Variants in CPSF1 observed in about 807,000 individuals in gnomAD.
CPSF1 encodes the protein cleavage and polyadenylation specificity factor subunit 1.
Under a neutral mutation model 175.8 loss-of-function variants are expected in CPSF1, and 106 were observed. That is an observed-to-expected ratio of 0.60 (90% CI 0.52 to 0.71). The LOEUF (loss-of-function observed/expected upper bound fraction) is 0.71, where lower values mean the gene tolerates loss of function less well. CPSF1 is among the 30% of genes least tolerant of loss of function. The pLI is 0.00. For synonymous variants in CPSF1, 1,024 were observed against 858.3 expected, an observed-to-expected ratio of 1.19 and a Z score of -3.37; for missense variants, 1,734 against 2,022.9, an observed-to-expected ratio of 0.86 and a Z score of 2.74.
intron 2 of CPSF1, among the ~76,000 whole-genome samples, chr8:144,402,487 T>C (rs1487227762): frequency 6.6e-6 from 1 of 152,104 alleles, no homozygotes; most frequent in Non-Finnish European, 1.5e-5. Flanking sequence ...GTATTTTTAG[T>C]AGAGACAGGG....
In CPSF1 at chr8:144,399,212, A is replaced by C; in HGVS notation, c.1393-10T>G. 6.2e-7 allele frequency: 1 copy of C among 1,611,104 alleles called. No individual in the cohort carries two copies. ...GGATGCTGTCACACACCTGCGGCAC[A>C]GCAAGAGTCAGGGGCCCGCTGGGGG... is the stretch of plus-strand genomic sequence containing the variant. On this transcript the variant is annotated splice_polypyrimidine_tract_variant and intron_variant, in intron 14 of 37. Transcript: ENST00000616140. The surrounding 1 kb of genome is among the most constrained non-coding windows in gnomAD (Gnocchi z 6.4).
rs1472375271 is a variant in CPSF1 at position 144,393,253 on chromosome 8, T to C, written c.*65A>G. On this transcript the variant is annotated 3_prime_UTR_variant, in exon 38 of 38. Coordinates refer to ENST00000616140, the MANE Select transcript of CPSF1 (RefSeq NM_013291.3). Reference sequence around the variant, plus strand: ...CTCTCAAGCAAAAAATGTTTTTCCTTGTGTTTTGTACAAAAAGGGGGTGGG... The same window carrying C: ...CTCTCAAGCAAAAAATGTTTTTCCTCGTGTTTTGTACAAAAAGGGGGTGGG... The C allele has an allele frequency of 2.1e-6, 3 of 1,428,528 alleles. No homozygotes were observed. Among genetic ancestry groups the C allele is most frequent in the African/African-American group, 2.9e-5 (2 of 69,412 alleles). The allele number at this position is 1,428,528 out of a possible 1,614,324, so 88.5% of individuals were successfully genotyped here.
intron 2 of CPSF1, among the ~76,000 whole-genome samples, chr8:144,403,071 T>G (rs1554867856): frequency 1.3e-5 from 2 of 150,976 alleles, no homozygotes; most frequent in African/African-American, 4.9e-5. Flanking sequence ...TGATAAAAAC[T>G]CCTAGTAAAG....
Position 144,401,492 on chromosome 8 carries a change from C to T in CPSF1, c.244G>A (p.Ala82Thr), listed in dbSNP as rs1821205900. 6.2e-7 allele frequency: 1 copy of T among 1,614,012 alleles called. No homozygotes were observed. Among genetic ancestry groups the T allele is most frequent in the Non-Finnish European group, 8.5e-7 (1 of 1,179,996 alleles). Residue 82 changes from alanine to threonine, a missense_variant, in exon 4 of 38, where the codon GCC (alanine) becomes ACC (threonine). This residue lies in a region of CPSF1 where 126 missense variants were observed against 117.9 expected (regional missense o/e 1.07). Transcript: ENST00000616140. ...FSFFGNVMSM[A>T]SVQLAGAKRD... ...TTGGCTCCTGCCAGCTGCACGCTGGCCATGGACATGACGTTGCCAAAGAAG... is the reference window on the plus strand; with the variant it reads ...TTGGCTCCTGCCAGCTGCACGCTGGTCATGGACATGACGTTGCCAAAGAAG...
chr8:144,396,260 G>A (rs958689975), intron 26 of CPSF1, 88 bp downstream of exon 26: 9 of 1,352,426 alleles, frequency 6.7e-6, no homozygotes, highest in African/African-American at 1.5e-5. Context: ...TCAGGGTGGA[G>A]CCAATGGTCC....
chr8:144,400,435 G>T lies in CPSF1; in HGVS notation c.745C>A (p.Gln249Lys). 6.2e-7 allele frequency: 1 copy of T among 1,613,602 alleles called. No homozygotes were observed. Among genetic ancestry groups the T allele is most frequent in the Non-Finnish European group, 8.5e-7 (1 of 1,179,962 alleles). ...SIVAISLNIT[Q>K]KVHPVIWSLT... ...GACCAGATGACGGGGTGCACCTTCTGCGTGATGTTCAGTGAGATGGCCACA... is the reference window on the plus strand; with the variant it reads ...GACCAGATGACGGGGTGCACCTTCTTCGTGATGTTCAGTGAGATGGCCACA... Residue 249 changes from glutamine to lysine, a missense_variant, in exon 8 of 38, where the codon CAG becomes AAG. Coordinates refer to ENST00000616140, the MANE Select transcript of CPSF1 (RefSeq NM_013291.3).
chr8:144,396,897 C>T lies in CPSF1; in HGVS notation c.2625G>A (p.Glu875=). The change falls in exon 24 of 38, where the codon GAG becomes GAA. Residue 875 remains glutamate, a synonymous_variant. Coordinates refer to ENST00000616140, the MANE Select transcript of CPSF1 (RefSeq NM_013291.3). The part of the protein sequence containing the change: ...VHVDQELLIY[E]AFPHDSQLGQ... The stretch of plus-strand genomic sequence containing the variant: ...CGAGCTGAGAGTCGTGGGGGAAGGC[C>T]TCGTAGATAAGCAGCTCTTGGTCCA... The T allele has an allele frequency of 6.2e-7, 1 of 1,613,754 alleles. No individual in the cohort carries two copies. Among genetic ancestry groups the T allele is most frequent in the Non-Finnish European group, 8.5e-7 (1 of 1,179,902 alleles).
chr8:144,399,380 A>G lies in CPSF1; in HGVS notation c.1295-7T>C. The G allele has an allele frequency of 6.2e-7, 1 of 1,612,840 alleles. No homozygotes were observed. The highest frequency in any genetic ancestry group is 8.5e-7 in the Non-Finnish European group (1 of 1,179,958). ...GGCACCGACTTACCCGCAGCTGCAC[A>G]CAGAGAGCCCACTTGAGCGCAGCCC... On this transcript the variant is annotated splice_polypyrimidine_tract_variant and splice_region_variant and intron_variant, in intron 13 of 37. Coordinates refer to ENST00000616140, the MANE Select transcript of CPSF1 (RefSeq NM_013291.3). This position sits in a 1 kb window ranked among gnomAD's most constrained non-coding sequence, Gnocchi z 6.4.
At chr8:144,408,643 G>A (rs188372136) in intron 2 of CPSF1, among the ~76,000 whole-genome samples, 5 of 152,294 alleles carry the variant, frequency 3.3e-5, no homozygotes, top group African/African-American at 7.2e-5. Context: ...TTGCTGCAGG[G>A]GCAGGTGTGT....
In CPSF1 at chr8:144,399,027, G is replaced by T. The variant is rs2116857310; in HGVS notation, c.1479C>A (p.Ser493Arg). 6.2e-7 allele frequency: 1 copy of T among 1,600,832 alleles called. No homozygotes were observed. Among genetic ancestry groups the T allele is most frequent in the South Asian group, 1.1e-5 (1 of 89,816 alleles). ...CCACAATCTCCAGGTCCGGCTCGGG[G>T]CTGTTCTGAAACTGCACAGGACTCG... The part of the protein sequence containing the change: ...PAFLSEEFQN[S>R]PEPDLEIVVC... Residue 493 changes from serine to arginine, a missense_variant, in exon 16 of 38, where the codon AGC becomes AGA. By Grantham distance (110) the Ser-to-Arg change is moderately radical. Around this residue, in one of 10 missense-constraint regions of CPSF1, gnomAD observed 280 missense variants for 349.2 expected, o/e 0.80. Transcript: ENST00000616140. The surrounding 1 kb of genome is among the most constrained non-coding windows in gnomAD (Gnocchi z 6.4).
intron 21 of CPSF1, 22 bp from the exon 22 acceptor site, chr8:144,397,683 TG>T: frequency 6.4e-7 from 1 of 1,559,066 alleles, no homozygotes; most frequent in Non-Finnish European, 8.7e-7. Context: ...CAGAAGGTCA[TG>T]GGCGGCCTGC....
intron 26 of CPSF1, 111 bp downstream of exon 26, chr8:144,396,237 T>G (rs1280712445): frequency 8.6e-7 from 1 of 1,159,212 alleles, no homozygotes; most frequent in African/African-American, 1.6e-5. Flanking sequence ...CTCTGGACAC[T>G]CCTTCCTGGT....
Position 144,398,589 on chromosome 8 carries a change from G to T in CPSF1, c.1688C>A (p.Pro563His). 2 of 1,613,944 alleles carry T rather than the reference G, an allele frequency of 1.2e-6. No individual in the cohort carries two copies. Among genetic ancestry groups the T allele is most frequent in the Non-Finnish European group, 1.7e-6 (2 of 1,179,982 alleles). ...TCTGCGGCCGTCGTCGTCTGCTTCA[G>T]GGGTGGTGCTGGGTTCCTGCTCTGT... ...EGTEQEPSTTPEADDDGRRHG... is the reference protein window; with the variant it reads ...EGTEQEPSTTHEADDDGRRHG... The change falls in exon 18 of 38, where the codon CCT becomes CAT. Residue 563 changes from proline (P) to histidine (H), a missense_variant. By Grantham distance (77) the Pro-to-His change is moderately conservative. This residue lies in a region of CPSF1 where 280 missense variants were observed against 349.2 expected (regional missense o/e 0.80). Coordinates refer to ENST00000616140, the MANE Select transcript of CPSF1 (RefSeq NM_013291.3).
chr8:144,406,109 G>A (rs1396134727), intron 2 of CPSF1, among the ~76,000 whole-genome samples: 1 of 152,178 alleles, frequency 6.6e-6, no homozygotes, highest in Admixed American at 6.5e-5. Flanking sequence ...GATGGCTTGA[G>A]CACAGGAGTT....
In CPSF1 at chr8:144,399,442, C is replaced by G. The variant is rs782785708; in HGVS notation, c.1294+10G>C. 2 of 1,612,712 alleles carry G rather than the reference C, an allele frequency of 1.2e-6. No individual in the cohort carries two copies. The highest frequency in any genetic ancestry group is 1.7e-6 in the Non-Finnish European group (2 of 1,179,932). On this transcript the variant is annotated intron_variant, in intron 13 of 37. Coordinates refer to ENST00000616140, the MANE Select transcript of CPSF1 (RefSeq NM_013291.3). The surrounding 1 kb of genome is among the most constrained non-coding windows in gnomAD (Gnocchi z 6.4). ...GCCCCGCTCCTGACCAGCCCTGGAC[C>G]GGCCCTCACCTGACCAGCCGGCCGT...
chr8:144,394,937 T>C lies in CPSF1; in HGVS notation c.3359A>G (p.Tyr1120Cys), dbSNP rs781880984. ...SEETVSGLKG[Y>C]VAAGTCLMQG... ...CATGAGGCAGGTCCCGGCGGCCACG[T>C]AGCCTTTGAGGCCCGACACGGTCTC... is the stretch of plus-strand genomic sequence containing the variant. Residue 1120 changes from tyrosine (Y) to cysteine (C), a missense_variant, in exon 30 of 38, where the codon TAC (tyrosine) becomes TGC (cysteine). Coordinates refer to ENST00000616140, the MANE Select transcript of CPSF1 (RefSeq NM_013291.3). 14 of 1,612,918 alleles carry C rather than the reference T, an allele frequency of 8.7e-6. No individual in the cohort carries two copies. Among genetic ancestry groups the C allele is most frequent in the East Asian group, 4.5e-5 (2 of 44,888 alleles).
At chr8:144,405,132 A>G (rs1821425392) in intron 2 of CPSF1, among the ~76,000 whole-genome samples, 1 of 152,220 alleles carries the variant, frequency 6.6e-6, no homozygotes, top group African/African-American at 2.4e-5. Flanking sequence ...AAGTCCCTAC[A>G]AGATACTTTT....
At position 144,393,304 on chromosome 8, in the gene CPSF1, C is replaced by T. The variant is rs782660919; in HGVS notation, c.*14G>A. The T allele has an allele frequency of 2.7e-6, 4 of 1,487,294 alleles. No individual in the cohort carries two copies. In the African/African-American group the frequency reaches 4.2e-5, roughly 16 times the overall value. The allele number at this position is 1,487,294 out of a possible 1,614,324, so 92.1% of individuals were successfully genotyped here. A position where few individuals can be genotyped will look rare whatever the true frequency, so the allele number is the denominator to read the frequency against. On this transcript the variant is annotated 3_prime_UTR_variant, in exon 38 of 38. Transcript: ENST00000616140. ...AGGTAGTTCCGTGTGCTGGTGGTGACGGCATCCACGGGGCTAGAAGTGGGC... is the reference window on the plus strand; with the variant it reads ...AGGTAGTTCCGTGTGCTGGTGGTGATGGCATCCACGGGGCTAGAAGTGGGC...
At position 144,397,768 on chromosome 8, in the gene CPSF1, C is replaced by T. The variant is rs781873840; in HGVS notation, c.2185G>A (p.Ala729Thr). 2 of 1,609,006 alleles carry T rather than the reference C, an allele frequency of 1.2e-6. No individual in the cohort carries two copies. The highest frequency in any genetic ancestry group is 2.2e-5 in the East Asian group (1 of 44,814). ...CTAGTCTCTGAGCCCAGGCCCTCGG[C>T]CTCCGGGCCACTGCGGCCCCCGAGC... ...DELGGRSGPE[A>T]EGLGSETSPT... Residue 729 changes from alanine to threonine, a missense_variant, in exon 21 of 38, where the codon GCC becomes ACC. Physicochemically the swap from Ala to Thr is moderately conservative, Grantham distance 58. Around this residue, in one of 10 missense-constraint regions of CPSF1, gnomAD observed 585 missense variants for 584.7 expected, o/e 1.00. Transcript: ENST00000616140.
Sources: gnomAD v4.1 joint callset for allele counts (sites outside exome capture counted in the v4.1 genomes callset) on GRCh38, gnomAD v4.1.1 for gene constraint, gnomAD v4.1.1 regional missense constraint, Gnocchi (gnomAD v3.1) non-coding constraint, MANE v1.5 for transcripts, NCBI Gene and HGNC (gene_info 2026-07-23, HGNC 2026-07-21) for gene names.